Variants in HCN4 observed in about 807,000 individuals in gnomAD.
HCN4 encodes potassium/sodium hyperpolarization-activated cyclic nucleotide-gated channel 4.
HCN4 carries 29 observed loss-of-function variants against 76.9 expected under a neutral mutation model. The ratio of observed to expected loss-of-function variants is 0.38; its 90% CI spans 0.28 to 0.51. The LOEUF is 0.51. HCN4 is among the 20% of genes least tolerant of loss of function. The pLI, the probability that HCN4 is intolerant of heterozygous loss-of-function variation, is 0.90. For missense variants in HCN4, 1,416 were observed against 1,715.2 expected, an observed-to-expected ratio of 0.83 and a Z score of 3.08; for synonymous variants, 772 against 762.5, an observed-to-expected ratio of 1.01 and a Z score of -0.21.
At chr15:73,345,349 C>T (rs1329725806) in intron 1 of HCN4, among the ~76,000 whole-genome samples, 1 of 152,176 alleles carries the variant, frequency 6.6e-6, no homozygotes, top group Non-Finnish European at 1.5e-5. Flanking sequence ...CCAAGCTCTT[C>T]AGGGCCTCAA....
At chr15:73,338,834 G>T (rs2042981421) in intron 2 of HCN4, among the ~76,000 whole-genome samples, 1 of 152,226 alleles carries the variant, frequency 6.6e-6, no homozygotes, top group Admixed American at 6.5e-5. Context: ...ATGCATGCTG[G>T]GTGCAGTTTG....
chr15:73,333,345 C>T (rs1380437800), intron 2 of HCN4, among the ~76,000 whole-genome samples: 1 of 152,216 alleles, frequency 6.6e-6, no homozygotes, highest in Non-Finnish European at 1.5e-5. Flanking sequence ...CCCCCATTCT[C>T]ATCCCTCCAT....
In HCN4 at chr15:73,343,427, T is replaced by C; in HGVS notation, c.1167A>G (p.Leu389=). The change falls in exon 2 of 8, where the codon TTA becomes TTG. Residue 389 remains leucine (L), a synonymous_variant. Coordinates refer to ENST00000261917, the MANE Select transcript of HCN4 (RefSeq NM_005477.3). The surrounding 1 kb of genome is among the most constrained non-coding windows in gnomAD (Gnocchi z 5.7). ...TATATCGAATGAGGCGGGAGAGGCGTAACAGGCGTAAGAGGCTGAGGATCT... is the reference window on the plus strand; with the variant it reads ...TATATCGAATGAGGCGGGAGAGGCGCAACAGGCGTAAGAGGCTGAGGATCT... ...FTKILSLLRL[L]RLSRLIRYIH... is the part of the protein sequence containing the mutation. 6.2e-7 allele frequency: 1 copy of C among 1,614,010 alleles called. No individual in the cohort carries two copies.
At chr15:73,365,465 C>A (rs2043124095) in intron 1 of HCN4, among the ~76,000 whole-genome samples, 1 of 152,212 alleles carries the variant, frequency 6.6e-6, no homozygotes, top group Non-Finnish European at 1.5e-5. Flanking sequence ...ATCCCCGCTT[C>A]CCTATCCCCA....
In HCN4 at chr15:73,323,627, C is replaced by G; in HGVS notation, c.2466G>C (p.Thr822=). Residue 822 remains threonine (T), a synonymous_variant, in exon 8 of 8, where the codon ACG becomes ACC. Coordinates refer to ENST00000261917, the MANE Select transcript of HCN4 (RefSeq NM_005477.3). The stretch of plus-strand genomic sequence containing the variant: ...ACTGCAGCCGTTTCAGGTGCCTTGG[C>G]GTCTGCCCGGCACCGAGGTTGCCCA... The part of the protein sequence containing the change: ...SGLGNLGAGQ[T]PRHLKRLQSL... The G allele has an allele frequency of 1.3e-6, 2 of 1,599,472 alleles. No homozygotes were observed. The highest frequency in any genetic ancestry group is 1.7e-6 in the Non-Finnish European group (2 of 1,176,748).
chr15:73,347,248 T>C (rs994873637), intron 1 of HCN4, among the ~76,000 whole-genome samples: 1 of 152,078 alleles, frequency 6.6e-6, no homozygotes, highest in Non-Finnish European at 1.5e-5. Flanking sequence ...GAGAAGTGTC[T>C]GCCCTAGACT....
Position 73,325,939 on chromosome 15 carries a change from T to C in HCN4, c.1591-495A>G, listed in dbSNP as rs1054971840. Among the ~76,000 whole-genome samples the C allele has an allele frequency of 2.6e-5, 4 of 152,146 alleles. No individual in the cohort carries two copies. Among genetic ancestry groups the C allele is most frequent in the Non-Finnish European group, 2.9e-5 (2 of 68,010 alleles). ...AAGGATGCCTGGCTGCTCGATGCTA[T>C]GAATCCAAACGTGGCCTCAGCTGAG... On this transcript the variant is annotated intron_variant, in intron 4 of 7. Coordinates refer to ENST00000261917, the MANE Select transcript of HCN4 (RefSeq NM_005477.3). The surrounding 1 kb of genome is among the most constrained non-coding windows in gnomAD (Gnocchi z 7.4).
At chr15:73,345,827 T>TA (rs988665477) in intron 1 of HCN4, among the ~76,000 whole-genome samples, 2 of 152,172 alleles carry the variant, frequency 1.3e-5, no homozygotes, top group Non-Finnish European at 2.9e-5. Flanking sequence ...TACATAAAGC[T>TA]AATAATACAC....
At chr15:73,358,691 C>T (rs939580892) in intron 1 of HCN4, among the ~76,000 whole-genome samples, 1 of 152,176 alleles carries the variant, frequency 6.6e-6, no homozygotes, top group Non-Finnish European at 1.5e-5. Context: ...TTAAAGGAGG[C>T]AGGTTCTGAA....
At chr15:73,365,514 T>C (rs1225525320) in intron 1 of HCN4, among the ~76,000 whole-genome samples, 1 of 152,150 alleles carries the variant, frequency 6.6e-6, no homozygotes, top group African/African-American at 2.4e-5. Flanking sequence ...AGCCTGCAGT[T>C]AGTGGGAGAT....
chr15:73,335,807 T>C (rs1176610189), intron 2 of HCN4, among the ~76,000 whole-genome samples: 1 of 152,022 alleles, frequency 6.6e-6, no homozygotes, highest in East Asian at 1.9e-4. Flanking sequence ...CCCAGACTCC[T>C]CACTGTGGGG....
chr15:73,342,602 C>T (rs373484338), intron 2 of HCN4, among the ~76,000 whole-genome samples: 1 of 152,238 alleles, frequency 6.6e-6, no homozygotes, highest in South Asian at 2.1e-4. Flanking sequence ...CAGCCATCCA[C>T]AGGACACCCT....
intron 4 of HCN4, among the ~76,000 whole-genome samples, chr15:73,326,943 C>T (rs550288197): frequency 2.6e-5 from 4 of 151,652 alleles, no homozygotes; most frequent in Non-Finnish European, 2.9e-5. Flanking sequence ...CATGCCACCA[C>T]GCCTGGCTAA....
In HCN4 at chr15:73,367,650, G is replaced by A. The variant is rs727503958; in HGVS notation, c.621C>T (p.Arg207=). The change falls in exon 1 of 8, where the codon CGC becomes CGT. Residue 207 remains arginine, a synonymous_variant. Transcript: ENST00000261917. The surrounding 1 kb of genome is among the most constrained non-coding windows in gnomAD (Gnocchi z 7.5). ...GDQILPEAEV[R]LGQAGFMQRQ... The stretch of plus-strand genomic sequence containing the variant: ...GCTGCATGAAGCCGGCCTGGCCCAG[G>A]CGCACCTCGGCCTCCGGGAGGATCT... 1.2e-6 allele frequency: 2 copies of A among 1,610,150 alleles called. No homozygotes were observed. The highest frequency in any genetic ancestry group is 1.7e-6 in the Non-Finnish European group (2 of 1,179,908).
intron 3 of HCN4, among the ~76,000 whole-genome samples, chr15:73,330,171 C>G (rs1256931257): frequency 6.6e-6 from 1 of 152,246 alleles, no homozygotes; most frequent in Non-Finnish European, 1.5e-5. Context: ...AAACAGCTGC[C>G]AAGTGAAGCC....
chr15:73,333,028 T>C (rs2042941688), intron 2 of HCN4, among the ~76,000 whole-genome samples: 1 of 152,246 alleles, frequency 6.6e-6, no homozygotes, highest in South Asian at 2.1e-4. Context: ...TATTAATAAT[T>C]AATCTTCCTG....
intron 1 of HCN4, among the ~76,000 whole-genome samples, chr15:73,344,769 T>C (rs1267625959): frequency 6.6e-6 from 1 of 152,014 alleles, no homozygotes; most frequent in Non-Finnish European, 1.5e-5. Flanking sequence ...CTGTGGTGGG[T>C]TTCTCCCAAC....
chr15:73,335,835 TG>T (rs1567780147), intron 2 of HCN4, among the ~76,000 whole-genome samples: 1 of 151,492 alleles, frequency 6.6e-6, no homozygotes, highest in African/African-American at 2.4e-5. Context: ...CCTTCCGGAG[TG>T]GGGGCCAGTG....
chr15:73,368,248 A>T lies in HCN4; in HGVS notation c.23T>A (p.Met8Lys). 1 of 1,502,098 alleles carries T rather than the reference A, an allele frequency of 6.7e-7. No individual in the cohort carries two copies. The highest frequency in any genetic ancestry group is 8.9e-7 in the Non-Finnish European group (1 of 1,128,494). The allele number at this position is 1,502,098 out of a possible 1,614,324, so 93.0% of individuals were successfully genotyped here. Residue 8 changes from methionine (M) to lysine (K), a missense_variant, in exon 1 of 8, where the codon ATG becomes AAG. This residue lies in a region of HCN4 where 355 missense variants were observed against 347.8 expected (regional missense o/e 1.02). Transcript: ENST00000261917. The surrounding 1 kb of genome is among the most constrained non-coding windows in gnomAD (Gnocchi z 6.9). MDKLPPSMRKRLYSLPQQ... is the reference protein window; with the variant it reads MDKLPPSKRKRLYSLPQQ... ...CGGGAGGCTGTAGAGCCGCTTGCGC[A>T]TGGACGGCGGCAGCTTGTCCATGGC...
Sources: gnomAD v4.1 joint callset for allele counts (sites outside exome capture counted in the v4.1 genomes callset) on GRCh38, gnomAD v4.1.1 for gene constraint, gnomAD v4.1.1 regional missense constraint, Gnocchi (gnomAD v3.1) non-coding constraint, MANE v1.5 for transcripts, NCBI Gene and HGNC (gene_info 2026-07-23, HGNC 2026-07-21) for gene names.